RBFOX1: variants seen among roughly 807,000 people sequenced by gnomAD.
RBFOX1 encodes RNA binding protein fox-1 homolog 1.
Under a neutral mutation model 57.7 loss-of-function variants are expected in RBFOX1, and 8 were observed. The ratio of observed to expected loss-of-function variants is 0.14; its 90% CI spans 0.08 to 0.25. The LOEUF (loss-of-function observed/expected upper bound fraction) is 0.25. RBFOX1 is among the 10% of genes least tolerant of loss of function. The pLI is 1.00. For synonymous variants in RBFOX1, 326 were observed against 222.4 expected (o/e 1.47, Z -4.15); for missense variants, 611 against 548.5 (o/e 1.11, Z -1.14).
intron 4 of RBFOX1, among the ~76,000 whole-genome samples, chr16:7,120,055 A>G (rs988616100): frequency 2.0e-5 from 3 of 152,070 alleles, no homozygotes; most frequent in African/African-American, 7.2e-5. Flanking sequence ...TAAACTGGAA[A>G]AAATCTAAAA....
At chr16:7,504,987 T>C (rs1230912268) in intron 4 of RBFOX1, among the ~76,000 whole-genome samples, 2 of 149,154 alleles carry the variant, frequency 1.3e-5, no homozygotes, top group Non-Finnish European at 2.9e-5. Context: ...TTCAGTGCAA[T>C]GTTAGGATAT....
intron 4 of RBFOX1, among the ~76,000 whole-genome samples, chr16:7,136,871 A>G (rs1276735624): frequency 1.3e-5 from 2 of 152,186 alleles, no homozygotes; most frequent in East Asian, 1.9e-4. Flanking sequence ...TCTCTCATAC[A>G]CAAAATCTAC....
intron 4 of RBFOX1, among the ~76,000 whole-genome samples, chr16:7,389,525 T>A (rs1220164972): frequency 6.6e-6 from 1 of 152,212 alleles, no homozygotes; most frequent in South Asian, 2.1e-4. Context: ...AAGATATCAT[T>A]GCTTAATCTT....
At chr16:5,540,553 C>G (rs755923898) in intron 2 of RBFOX1, among the ~76,000 whole-genome samples, 3 of 152,178 alleles carry the variant, frequency 2.0e-5, no homozygotes, top group Non-Finnish European at 4.4e-5. Context: ...CCCGGGAAAT[C>G]CACAGTAACG....
rs552355505 is a variant in RBFOX1 at position 7,014,529 on chromosome 16, C to T, written c.-15-37528C>T. On this transcript the variant is annotated intron_variant, in intron 3 of 15. Coordinates refer to ENST00000550418, the MANE Select transcript of RBFOX1 (RefSeq NM_018723.4). ...GTGCTAGGATTACAGTGATAAGCCT[C>T]CCAAAGTGCTAGAATTACAGGAGTG... 2.6e-5 allele frequency among the ~76,000 whole-genome samples: 4 copies of T among 152,080 alleles called. No individual in the cohort carries two copies. In the South Asian group the frequency reaches 8.3e-4, roughly 32 times the overall value.
At chr16:5,433,338 T>C (rs1032630360) in intron 1 of RBFOX1, among the ~76,000 whole-genome samples, 4 of 152,210 alleles carry the variant, frequency 2.6e-5, no homozygotes, top group African/African-American at 9.6e-5. Flanking sequence ...TCCTTCCTGC[T>C]CTCTGCCTCC....
chr16:5,501,096 A>G (rs1008641078), intron 2 of RBFOX1, among the ~76,000 whole-genome samples: 2 of 152,078 alleles, frequency 1.3e-5, no homozygotes, highest in African/African-American at 2.4e-5. Context: ...TGGGCGGGTC[A>G]CCTGAGGTCA....
chr16:7,033,421 G>T (rs556603090), intron 3 of RBFOX1, among the ~76,000 whole-genome samples: 1 of 152,206 alleles, frequency 6.6e-6, no homozygotes, highest in South Asian at 2.1e-4. Flanking sequence ...TTGGGAGGCT[G>T]AGGCAGGAGA....
chr16:6,995,887 A>G (rs1295125638), intron 3 of RBFOX1, among the ~76,000 whole-genome samples: 1 of 152,222 alleles, frequency 6.6e-6, no homozygotes, highest in Admixed American at 6.5e-5. Flanking sequence ...GCATCCTCCT[A>G]TGTTTGAACC....
At chr16:7,525,756 T>A (rs1268650815) in intron 5 of RBFOX1, among the ~76,000 whole-genome samples, 1 of 152,202 alleles carries the variant, frequency 6.6e-6, no homozygotes, top group African/African-American at 2.4e-5. Context: ...TGCTAGGCCC[T>A]CTTTTGGTCG....
chr16:6,102,791 G>C (rs980073859), intron 1 of RBFOX1, among the ~76,000 whole-genome samples: 3 of 152,148 alleles, frequency 2.0e-5, no homozygotes, highest in East Asian at 3.8e-4. Context: ...TCATTTTAGA[G>C]TAGGTCCTGG....
At chr16:6,258,778 C>A (rs1424580094) in intron 1 of RBFOX1, among the ~76,000 whole-genome samples, 1 of 152,128 alleles carries the variant, frequency 6.6e-6, no homozygotes, top group African/African-American at 2.4e-5. Flanking sequence ...TTGTTTGCAA[C>A]ACAAGGGATG....
chr16:7,379,973 C>T (rs544142936), intron 4 of RBFOX1, among the ~76,000 whole-genome samples: 1 of 152,156 alleles, frequency 6.6e-6, no homozygotes, highest in Non-Finnish European at 1.5e-5. Flanking sequence ...CCTCCTGCCT[C>T]CTTCTCCAAA....
intron 1 of RBFOX1, among the ~76,000 whole-genome samples, chr16:6,284,183 A>T (rs1478106457): frequency 6.6e-6 from 1 of 152,236 alleles, no homozygotes; most frequent in Non-Finnish European, 1.5e-5. Context: ...AGCAGCTACA[A>T]AATATAATTC....
chr16:5,980,907 A>G (rs901083337), intron 4 of RBFOX1, among the ~76,000 whole-genome samples: 2 of 152,094 alleles, frequency 1.3e-5, no homozygotes, highest in African/African-American at 4.8e-5. Context: ...TGCTTTTTAT[A>G]ACTACCTTCT....
intron 1 of RBFOX1, chr16:5,270,685 A>T (rs1366100496): frequency 3.8e-6 from 2 of 524,552 alleles, no homozygotes; most frequent in East Asian, 8.9e-5. Context: ...GTTGGAAATC[A>T]TGACCTGAGA....
At chr16:5,522,280 C>G (rs759696077) in intron 2 of RBFOX1, among the ~76,000 whole-genome samples, 2 of 152,206 alleles carry the variant, frequency 1.3e-5, no homozygotes, top group Non-Finnish European at 2.9e-5. Flanking sequence ...GTTTGTTCAT[C>G]TGTAAAATGG....
intron 1 of RBFOX1, among the ~76,000 whole-genome samples, chr16:5,460,864 C>G (rs1340012490): frequency 6.6e-6 from 1 of 152,196 alleles, no homozygotes. Context: ...GAGCACATCA[C>G]CTGGCTGGCA....
At chr16:6,911,168 C>T (rs907476209) in intron 3 of RBFOX1, among the ~76,000 whole-genome samples, 1 of 149,692 alleles carries the variant, frequency 6.7e-6, no homozygotes, top group African/African-American at 2.5e-5. Context: ...CACCATTGCA[C>T]TCCAACCTGG....
Sources: allele counts gnomAD v4.1 joint callset (sites outside exome capture counted in the v4.1 genomes callset), GRCh38; gene constraint gnomAD v4.1.1; transcripts MANE v1.5; gene names NCBI Gene and HGNC (gene_info 2026-07-23, HGNC 2026-07-21).